MYRIP: variants seen among roughly 807,000 people sequenced by gnomAD.
The protein encoded by MYRIP is rab effector MyRIP.
In MYRIP, 49 loss-of-function variants were observed where a neutral mutation model predicts 98.0. That is an observed-to-expected ratio of 0.50 (90% CI 0.40 to 0.63). The LOEUF (loss-of-function observed/expected upper bound fraction) is 0.63, where lower values mean the gene tolerates loss of function less well. MYRIP is among the 30% of genes least tolerant of loss of function. MYRIP has a pLI of 0.00. For missense variants in MYRIP, 1,004 were observed against 1,058.2 expected (o/e 0.95, Z 0.71); for synonymous variants, 404 against 409.5 (o/e 0.99, Z 0.16).
At chr3:40,214,196 T>TAAGCAGA (rs1221278492) in intron 11 of MYRIP, among the ~76,000 whole-genome samples, 1 of 152,196 alleles carries the variant, frequency 6.6e-6, no homozygotes, top group Non-Finnish European at 1.5e-5. Context: ...GTATTGTGAA[T>TAAGCAGA]AAGCAGTGAG....
At chr3:39,973,684 G>C (rs1483807300) in intron 2 of MYRIP, among the ~76,000 whole-genome samples, 3 of 125,030 alleles carry the variant, frequency 2.4e-5, no homozygotes, top group African/African-American at 1.2e-4. Context: ...TAAAAGAAGA[G>C]AAATTATAAC....
chr3:39,911,273 A>C (rs1425498004), intron 2 of MYRIP, among the ~76,000 whole-genome samples: 1 of 136,994 alleles, frequency 7.3e-6, no homozygotes, highest in Non-Finnish European at 1.6e-5. Flanking sequence ...TGATGTTACA[A>C]GTGTGCTTGT....
rs1318708521 is a variant in MYRIP, at chr3:40,259,861, G to T, written c.*1695G>T. The T allele has an allele frequency of 6.6e-6, 1 of 152,604 alleles. No individual in the cohort carries two copies. The highest frequency in any genetic ancestry group is 1.5e-5 in the Non-Finnish European group (1 of 68,022). 9.5% of individuals were successfully genotyped at this position (152,604 alleles called of 1,614,324 possible). On this transcript the variant is annotated 3_prime_UTR_variant, in exon 17 of 17. Coordinates refer to ENST00000302541, the MANE Select transcript of MYRIP (RefSeq NM_015460.4). ...ACAAAAAAGATTTGACTTCCGAATA[G>T]AATGTTTTCTTTAAGAGGCATGAAA... is the stretch of plus-strand genomic sequence containing the variant.
chr3:40,076,091 G>C (rs1334690259), intron 3 of MYRIP, among the ~76,000 whole-genome samples: 2 of 152,178 alleles, frequency 1.3e-5, no homozygotes, highest in Non-Finnish European at 2.9e-5. Flanking sequence ...TGTAGTCCCA[G>C]ATACTTGGGA....
intron 2 of MYRIP, among the ~76,000 whole-genome samples, chr3:39,944,253 T>A (rs1944851390): frequency 6.6e-6 from 1 of 152,134 alleles, no homozygotes; most frequent in Non-Finnish European, 1.5e-5. Flanking sequence ...TTCACAGATT[T>A]GAAATGGTAT....
chr3:40,005,988 C>T (rs569086025), intron 2 of MYRIP, among the ~76,000 whole-genome samples: 81 of 152,128 alleles, frequency 5.3e-4, no homozygotes, highest in Admixed American at 1.1e-3. Context: ...ATGGAGGTGG[C>T]CGAATGGAAT....
At chr3:40,032,789 T>A (rs1312574290) in intron 2 of MYRIP, among the ~76,000 whole-genome samples, 1 of 152,056 alleles carries the variant, frequency 6.6e-6, no homozygotes, top group Non-Finnish European at 1.5e-5. Context: ...TAGACCAATA[T>A]CCTTGATGAA....
chr3:40,063,098 A>G (rs192156348), intron 3 of MYRIP, among the ~76,000 whole-genome samples: 1 of 152,380 alleles, frequency 6.6e-6, no homozygotes, highest in Admixed American at 6.5e-5. Context: ...ATTTTGAGGA[A>G]ACATCAAACA....
intron 9 of MYRIP, among the ~76,000 whole-genome samples, chr3:40,187,645 C>T (rs1177518910): frequency 6.6e-6 from 1 of 152,228 alleles, no homozygotes; most frequent in East Asian, 1.9e-4. Flanking sequence ...CTTTCCACTG[C>T]ACAAACTGGC....
At chr3:39,814,798 A>G (rs1270227017) in intron 1 of MYRIP, among the ~76,000 whole-genome samples, 2 of 152,298 alleles carry the variant, frequency 1.3e-5, no homozygotes, top group Admixed American at 6.5e-5. Flanking sequence ...ATCCCTTCCT[A>G]TGAAAATTCC....
At chr3:39,890,277 C>G (rs941843646) in intron 1 of MYRIP, among the ~76,000 whole-genome samples, 3 of 152,040 alleles carry the variant, frequency 2.0e-5, no homozygotes, top group African/African-American at 7.2e-5. Context: ...CTCGTGCATG[C>G]CTTTTGGCAT....
intron 2 of MYRIP, among the ~76,000 whole-genome samples, chr3:39,909,413 G>A (rs1424416406): frequency 2.0e-5 from 3 of 152,148 alleles, no homozygotes; most frequent in Non-Finnish European, 4.4e-5. Flanking sequence ...ATATGAAAGG[G>A]GTGAAAGGGC....
At position 40,044,144 on chromosome 3, in the gene MYRIP, T is replaced by A; in HGVS notation, c.205T>A (p.Ser69Thr). 6.2e-7 allele frequency: 1 copy of A among 1,614,158 alleles called. No individual in the cohort carries two copies. Among genetic ancestry groups the A allele is most frequent in the African/African-American group, 1.3e-5 (1 of 75,054 alleles). ...FVEHCCMRCC[S>T]PFTFLVNTKR... ...GGAGCACTGCTGCATGCGCTGCTGCTCGCCCTTCACCTTCCTCGTCAACAC... is the reference window on the plus strand; with the variant it reads ...GGAGCACTGCTGCATGCGCTGCTGCACGCCCTTCACCTTCCTCGTCAACAC... Residue 69 changes from serine (S) to threonine (T), a missense_variant, in exon 3 of 17, where the codon TCG becomes ACG. This residue lies in a region of MYRIP where 880 missense variants were observed against 907.7 expected (regional missense o/e 0.97). Coordinates refer to ENST00000302541, the MANE Select transcript of MYRIP (RefSeq NM_015460.4).
intron 2 of MYRIP, among the ~76,000 whole-genome samples, chr3:39,999,824 C>G (rs922276498): frequency 6.6e-6 from 1 of 152,052 alleles, no homozygotes; most frequent in African/African-American, 2.4e-5. Flanking sequence ...GGGACATATA[C>G]ACCATGGAAT....
intron 3 of MYRIP, among the ~76,000 whole-genome samples, chr3:40,125,886 G>A (rs1318086871): frequency 1.3e-5 from 2 of 152,142 alleles, no homozygotes; most frequent in Admixed American, 6.6e-5. Context: ...CAGCCTCTGA[G>A]CCATGTCTGT....
At chr3:40,253,852 A>G (rs1412501657) in intron 16 of MYRIP, among the ~76,000 whole-genome samples, 2 of 152,186 alleles carry the variant, frequency 1.3e-5, no homozygotes, top group African/African-American at 4.8e-5. Context: ...TATCCTCTCA[A>G]CTGTATCTCT....
chr3:40,123,929 A>G (rs1490452163), intron 3 of MYRIP, among the ~76,000 whole-genome samples: 2 of 152,170 alleles, frequency 1.3e-5, no homozygotes, highest in African/African-American at 4.8e-5. Context: ...GAGAACTACA[A>G]TCAAGAAAGG....
At chr3:39,955,206 T>A (rs1293139831) in intron 2 of MYRIP, among the ~76,000 whole-genome samples, 1 of 151,954 alleles carries the variant, frequency 6.6e-6, no homozygotes, top group Non-Finnish European at 1.5e-5. Context: ...GAAGAGCAAC[T>A]CCATGACACC....
At chr3:40,089,424 A>T (rs1412623669) in intron 3 of MYRIP, among the ~76,000 whole-genome samples, 1 of 152,220 alleles carries the variant, frequency 6.6e-6, no homozygotes, top group Non-Finnish European at 1.5e-5. Flanking sequence ...CTGTTAGAAC[A>T]TCATCCTTTT....
Sources: allele counts gnomAD v4.1 joint callset (sites outside exome capture counted in the v4.1 genomes callset), GRCh38; gene constraint gnomAD v4.1.1; regional missense constraint gnomAD v4.1.1; transcripts MANE v1.5; gene names NCBI Gene and HGNC (gene_info 2026-07-23, HGNC 2026-07-21).